Variants in VSTM4 observed in about 807,000 individuals in gnomAD.
VSTM4 encodes V-set and transmembrane domain containing 4, also known as V-set and transmembrane domain-containing protein 4.
In VSTM4, 20 loss-of-function variants were observed where a neutral mutation model predicts 36.4. The ratio of observed to expected loss-of-function variants is 0.55; its 90% CI spans 0.39 to 0.80. The LOEUF (loss-of-function observed/expected upper bound fraction) is 0.80. Among genes scored for constraint, VSTM4 ranks in the 30% least tolerant of loss-of-function variants. VSTM4 has a pLI of 0.00. For synonymous variants in VSTM4, 182 were observed against 173.9 expected (o/e 1.05, Z -0.37); for missense variants, 392 against 404.5 (o/e 0.97, Z 0.26).
intron 7 of VSTM4, among the ~76,000 whole-genome samples, chr10:49,043,250 A>C (rs1198257860): frequency 6.6e-6 from 1 of 152,260 alleles, no homozygotes; most frequent in African/African-American, 2.4e-5. Context: ...TAAAAATAAT[A>C]GAAAATATTT....
intron 5 of VSTM4, among the ~76,000 whole-genome samples, chr10:49,051,938 A>G (rs1219468501): frequency 1.8e-5 from 2 of 108,180 alleles, no homozygotes; most frequent in Non-Finnish European, 2.1e-5. Context: ...TAATTTACTT[A>G]ATCTAAATTT....
chr10:49,046,722 T>C (rs963818532), intron 7 of VSTM4, among the ~76,000 whole-genome samples: 2 of 152,238 alleles, frequency 1.3e-5, no homozygotes, highest in Non-Finnish European at 2.9e-5. Context: ...ATTTTATAAA[T>C]TTCTGAGTAT....
At chr10:49,023,512 T>C (rs1288696832) in intron 7 of VSTM4, among the ~76,000 whole-genome samples, 1 of 152,164 alleles carries the variant, frequency 6.6e-6, no homozygotes, top group Non-Finnish European at 1.5e-5. Context: ...AAAAAACTGG[T>C]GGTAAAACCA....
intron 7 of VSTM4, among the ~76,000 whole-genome samples, chr10:49,040,070 G>C (rs1347121027): frequency 1.3e-5 from 2 of 152,120 alleles, no homozygotes; most frequent in African/African-American, 4.8e-5. Flanking sequence ...CTCACCCCAA[G>C]GGGATGAGGG....
chr10:49,066,295 T>C (rs1210877958), intron 4 of VSTM4, among the ~76,000 whole-genome samples: 3 of 152,332 alleles, frequency 2.0e-5, no homozygotes, highest in Middle Eastern at 3.4e-3. Context: ...CAAGAATTAA[T>C]GTAAAATACT....
At chr10:49,098,889 A>G (rs553808960) in intron 2 of VSTM4, among the ~76,000 whole-genome samples, 209 of 152,350 alleles carry the variant, frequency 1.4e-3, no homozygotes, top group African/African-American at 4.5e-3. Flanking sequence ...TAGGTGTTTG[A>G]TAACATGCAC....
intron 2 of VSTM4, among the ~76,000 whole-genome samples, chr10:49,095,836 C>T (rs1844562128): frequency 6.6e-6 from 1 of 152,156 alleles, no homozygotes. Flanking sequence ...AGGCTGGGGC[C>T]CCAGGAGGGC....
At chr10:49,060,308 A>C (rs569052035) in intron 5 of VSTM4, among the ~76,000 whole-genome samples, 37 of 152,308 alleles carry the variant, frequency 2.4e-4, no homozygotes, top group Non-Finnish European at 4.1e-4. Flanking sequence ...GCACAATTTT[A>C]TATTCCCACC....
chr10:49,064,723 C>G lies in VSTM4; in HGVS notation c.648G>C (p.Leu216Phe). 1 of 1,612,868 alleles carries G rather than the reference C, an allele frequency of 6.2e-7. No homozygotes were observed. The highest frequency in any genetic ancestry group is 8.5e-7 in the Non-Finnish European group (1 of 1,179,584). The stretch of plus-strand genomic sequence containing the variant: ...CTTACCTGTTCTGAGGGCATTTCAC[C>G]AAATAATGTCTCACTGTGAAAGGAA... ...NKRKSRVRHY[L>F]VKCPQNSSGE... The change falls in exon 5 of 8, where the codon TTG becomes TTC. Residue 216 changes from leucine to phenylalanine, a missense_variant. Coordinates refer to ENST00000332853, the MANE Select transcript of VSTM4 (RefSeq NM_001031746.5).
At chr10:49,105,413 A>G (rs1484885983) in intron 2 of VSTM4, among the ~76,000 whole-genome samples, 1 of 151,790 alleles carries the variant, frequency 6.6e-6, no homozygotes. Flanking sequence ...AGAGGCAGAG[A>G]GAGAAAGAGT....
intron 2 of VSTM4, among the ~76,000 whole-genome samples, chr10:49,097,497 C>T (rs1465389528): frequency 6.6e-6 from 1 of 151,962 alleles, no homozygotes; most frequent in Non-Finnish European, 1.5e-5. Context: ...GACTTGGGGA[C>T]AAAGGGTCAA....
chr10:49,029,565 G>T lies in VSTM4; in HGVS notation c.838-9790C>A, dbSNP rs376770109. On this transcript the variant is annotated intron_variant, in intron 7 of 7. Transcript: ENST00000332853. ...CCCAGATGCTCGTGGGCAGTCCCAG[G>T]CATCGCAAATGCATGCTCAGAGGCA... is the stretch of plus-strand genomic sequence containing the variant. 4.6e-5 allele frequency among the ~76,000 whole-genome samples: 7 copies of T among 152,196 alleles called. 1 individual carries two copies. In the East Asian group the frequency reaches 1.2e-3, roughly 25 times the overall value.
At chr10:49,098,982 C>T (rs1564594201) in intron 2 of VSTM4, among the ~76,000 whole-genome samples, 1 of 152,228 alleles carries the variant, frequency 6.6e-6, no homozygotes, top group East Asian at 1.9e-4. Flanking sequence ...TTCACTGAGC[C>T]GAGCAAACCT....
Position 49,015,083 on chromosome 10 carries a change from C to T in VSTM4, c.*4567G>A, listed in dbSNP as rs1355303295. 1 of 151,964 alleles carries T rather than the reference C, an allele frequency of 6.6e-6. No individual in the cohort carries two copies. Among genetic ancestry groups the T allele is most frequent in the Non-Finnish European group, 1.5e-5 (1 of 68,060 alleles). 9.4% of individuals were successfully genotyped at this position (151,964 alleles called of 1,614,324 possible). On this transcript the variant is annotated 3_prime_UTR_variant, in exon 8 of 8. Coordinates refer to ENST00000332853, the MANE Select transcript of VSTM4 (RefSeq NM_001031746.5). ...GGAGCTTGTTAGAAACTCAGAATCC[C>T]AGGTCCTATCCCAGACCTCCTGAGC... is the stretch of plus-strand genomic sequence containing the variant.
Position 49,096,964 on chromosome 10 carries a change from T to G in VSTM4, c.457+10630A>C, listed in dbSNP as rs568675431. 3.3e-5 allele frequency among the ~76,000 whole-genome samples: 5 copies of G among 152,124 alleles called. No individual in the cohort carries two copies. The East Asian group carries it at 9.7e-4, about 29-fold the overall frequency. ...CACCGTGCCCAGACAAAGATCATGT[T>G]TTTTGAAGTCTTGGGGATCAAAGCT... On this transcript the variant is annotated intron_variant, in intron 2 of 7. Coordinates refer to ENST00000332853, the MANE Select transcript of VSTM4 (RefSeq NM_001031746.5).
At chr10:49,095,292 T>TTC (rs1278939884) in intron 2 of VSTM4, among the ~76,000 whole-genome samples, 2 of 152,176 alleles carry the variant, frequency 1.3e-5, no homozygotes, top group Admixed American at 6.5e-5. Context: ...AGTTGCCATT[T>TTC]TCTCTGCCAT....
At chr10:49,077,128 T>G in intron 4 of VSTM4, 91 bp downstream of exon 4, 1 of 1,312,812 alleles carries the variant, frequency 7.6e-7, no homozygotes, top group Non-Finnish European at 1.1e-6. Context: ...AATGCACTTT[T>G]CCACCAAGGT....
At chr10:49,061,073 GT>G (rs916910626) in intron 5 of VSTM4, among the ~76,000 whole-genome samples, 2 of 152,162 alleles carry the variant, frequency 1.3e-5, no homozygotes, top group African/African-American at 4.8e-5. Flanking sequence ...ATTAGAATAA[GT>G]TTTGGACAGA....
chr10:49,055,689 C>T (rs903728130), intron 5 of VSTM4, among the ~76,000 whole-genome samples: 1 of 152,204 alleles, frequency 6.6e-6, no homozygotes, highest in African/African-American at 2.4e-5. Context: ...CAATTGGTTC[C>T]ATATGCCAGG....
Sources: allele counts gnomAD v4.1 joint callset (sites outside exome capture counted in the v4.1 genomes callset), GRCh38; gene constraint gnomAD v4.1.1; transcripts MANE v1.5; gene names NCBI Gene and HGNC (gene_info 2026-07-23, HGNC 2026-07-21).